Variants in NAV2 observed in about 807,000 individuals in gnomAD.
NAV2 encodes helicase, APC down-regulated 1.
Under a neutral mutation model 223.2 loss-of-function variants are expected in NAV2, and 54 were observed. The observed-to-expected ratio is 0.24, with a 90% CI of 0.19 to 0.30. NAV2 has a LOEUF of 0.30. Among genes scored for constraint, NAV2 ranks in the 10% least tolerant of loss-of-function variants. The pLI, the probability that NAV2 is intolerant of heterozygous loss-of-function variation, is 1.00. For missense variants in NAV2, 2,806 were observed against 3,147.5 expected, an observed-to-expected ratio of 0.89 and a Z score of 2.60; for synonymous variants, 1,279 against 1,239.3, an observed-to-expected ratio of 1.03 and a Z score of -0.67.
chr11:19,691,700 G>A (rs948792407), intron 1 of NAV2, among the ~76,000 whole-genome samples: 1 of 152,090 alleles, frequency 6.6e-6, no homozygotes, highest in Non-Finnish European at 1.5e-5. Context: ...TCTTCCTTGG[G>A]TTTTTCCCAC....
intron 20 of NAV2, among the ~76,000 whole-genome samples, chr11:20,065,417 A>G (rs1386435745): frequency 2.0e-5 from 3 of 152,256 alleles, no homozygotes; most frequent in Admixed American, 2.0e-4. Flanking sequence ...TATCAGTGAA[A>G]GAAAAGATTA....
At chr11:19,476,870 A>G (rs2042131847) in intron 1 of NAV2, among the ~76,000 whole-genome samples, 1 of 152,226 alleles carries the variant, frequency 6.6e-6, no homozygotes, top group Non-Finnish European at 1.5e-5. Context: ...GCCCTGGGTC[A>G]GGGCATCTTG....
rs189579377 is a variant in NAV2, at chr11:19,424,581, T to C, written c.75+73554T>C. 1.6e-3 allele frequency among the ~76,000 whole-genome samples: 242 copies of C among 152,312 alleles called. 3 individuals are homozygous for C. Among genetic ancestry groups the C allele is most frequent in the African/African-American group, 5.5e-3 (227 of 41,578 alleles). ...GTTTGTTTGTTTCGAGACGGAGTCTTGCTGTCTTCTAGGCTGGAATGCAGT... is the reference window on the plus strand; with the variant it reads ...GTTTGTTTGTTTCGAGACGGAGTCTCGCTGTCTTCTAGGCTGGAATGCAGT... On this transcript the variant is annotated intron_variant, in intron 1 of 37. Transcript: ENST00000360655.
intron 6 of NAV2, among the ~76,000 whole-genome samples, chr11:19,923,209 C>T (rs896275701): frequency 5.9e-5 from 9 of 152,128 alleles, no homozygotes; most frequent in African/African-American, 2.2e-4. Context: ...CCATTTTATG[C>T]CCCCTTCATT....
chr11:19,977,804 T>C (rs552492517), intron 10 of NAV2, among the ~76,000 whole-genome samples: 89 of 141,528 alleles, frequency 6.3e-4, no homozygotes, highest in South Asian at 1.4e-3. Flanking sequence ...TTTTCTTTTT[T>C]TTTTTTTTTT....
At chr11:19,679,644 CT>C (rs1487244263) in intron 1 of NAV2, among the ~76,000 whole-genome samples, 1 of 152,144 alleles carries the variant, frequency 6.6e-6, no homozygotes, top group African/African-American at 2.4e-5. Flanking sequence ...ACATCACGTC[CT>C]TTAGGGAACC....
intron 36 of NAV2, among the ~76,000 whole-genome samples, chr11:20,109,247 C>T (rs576880882): frequency 6.6e-6 from 1 of 152,302 alleles, no homozygotes; most frequent in African/African-American, 2.4e-5. Flanking sequence ...CTGGAGCATA[C>T]GCATTGCAAA....
intron 6 of NAV2, among the ~76,000 whole-genome samples, chr11:19,932,257 A>AAAAAAG (rs1555153008): frequency 2.3e-3 from 231 of 99,980 alleles, no homozygotes; most frequent in Non-Finnish European, 2.9e-3. Flanking sequence ...AAAAAAAAAA[A>AAAAAAG]AAAGAAAGAA....
intron 1 of NAV2, among the ~76,000 whole-genome samples, chr11:19,441,205 T>C (rs1171002847): frequency 6.6e-6 from 1 of 152,152 alleles, no homozygotes; most frequent in Non-Finnish European, 1.5e-5. Flanking sequence ...AAGGCCAGTG[T>C]GGCTGGACCC....
chr11:19,406,741 A>G (rs562176605), intron 1 of NAV2, among the ~76,000 whole-genome samples: 28 of 152,262 alleles, frequency 1.8e-4, no homozygotes, highest in African/African-American at 6.5e-4. Flanking sequence ...CCATCTCCCT[A>G]TAGCCAACAG....
At chr11:19,543,668 G>A (rs1163631427) in intron 1 of NAV2, among the ~76,000 whole-genome samples, 1 of 152,204 alleles carries the variant, frequency 6.6e-6, no homozygotes, top group African/African-American at 2.4e-5. Flanking sequence ...TAAAAAAGGA[G>A]TGAAAATACC....
intron 7 of NAV2, among the ~76,000 whole-genome samples, chr11:19,938,698 G>C (rs1357897800): frequency 6.6e-6 from 1 of 152,164 alleles, no homozygotes; most frequent in Non-Finnish European, 1.5e-5. Context: ...ATGAGGGCTT[G>C]GACCCTGGCT....
At chr11:19,564,603 G>A (rs1417785856) in intron 1 of NAV2, among the ~76,000 whole-genome samples, 3 of 152,024 alleles carry the variant, frequency 2.0e-5, no homozygotes, top group Admixed American at 6.6e-5. Flanking sequence ...ACCAGACTTA[G>A]CGAGAGGGGC....
intron 1 of NAV2, among the ~76,000 whole-genome samples, chr11:19,413,963 A>G (rs1850255580): frequency 1.3e-5 from 2 of 152,334 alleles, no homozygotes; most frequent in Admixed American, 1.3e-4. Flanking sequence ...CCCTGCAAAA[A>G]CATACCAAAT....
In NAV2 at chr11:19,799,129, A is replaced by G. The variant is rs142159509; in HGVS notation, c.268-33355A>G. 1.9e-3 allele frequency among the ~76,000 whole-genome samples: 296 copies of G among 152,310 alleles called. 2 individuals are homozygous for G. Among genetic ancestry groups the G allele is most frequent in the African/African-American group, 6.9e-3 (286 of 41,564 alleles). ...CAGAAGAGTGGCATGAAGCAACTTCAGCAACTATTGAGGGCCGACACTAGC... is the reference window on the plus strand; with the variant it reads ...CAGAAGAGTGGCATGAAGCAACTTCGGCAACTATTGAGGGCCGACACTAGC... On this transcript the variant is annotated intron_variant, in intron 1 of 37. Transcript: ENST00000349880.
intron 1 of NAV2, among the ~76,000 whole-genome samples, chr11:19,413,146 T>C (rs1372926334): frequency 6.6e-6 from 1 of 152,154 alleles, no homozygotes; most frequent in African/African-American, 2.4e-5. Flanking sequence ...AGGGAGCATG[T>C]TCTAACCCAA....
At chr11:19,815,158 TCA>T (rs1422129113) in intron 1 of NAV2, among the ~76,000 whole-genome samples, 1 of 152,100 alleles carries the variant, frequency 6.6e-6, no homozygotes, top group African/African-American at 2.4e-5. Context: ...AGATACGTTT[TCA>T]CACAGTTTTG....
At chr11:19,376,761 A>T (rs1329594681) in intron 1 of NAV2, among the ~76,000 whole-genome samples, 3 of 152,214 alleles carry the variant, frequency 2.0e-5, no homozygotes, top group Non-Finnish European at 2.9e-5. Flanking sequence ...GGGCTCTGGA[A>T]AAACAAAGAA....
At chr11:19,884,545 T>C (rs573112833) in intron 5 of NAV2, among the ~76,000 whole-genome samples, 1 of 152,292 alleles carries the variant, frequency 6.6e-6, no homozygotes, top group East Asian at 1.9e-4. Context: ...GCCATGGGAT[T>C]GTTGCAAGTG....
Sources: gnomAD v4.1 joint callset for allele counts (sites outside exome capture counted in the v4.1 genomes callset) on GRCh38, gnomAD v4.1.1 for gene constraint, MANE v1.5 for transcripts, NCBI Gene and HGNC (gene_info 2026-07-23, HGNC 2026-07-21) for gene names.